Variants in MGA observed in about 807,000 individuals in gnomAD.
The protein encoded by MGA is MAX dimerization protein MGA.
A neutral mutation model predicts 261.1 loss-of-function variants in MGA; 40 were observed. That is an observed-to-expected ratio of 0.15 (90% confidence interval 0.12 to 0.20). MGA has a LOEUF of 0.20. Among genes scored for constraint, MGA ranks in the 10% least tolerant of loss-of-function variants. MGA has a pLI of 1.00. For synonymous variants in MGA, 1,302 were observed against 1,290.6 expected, an observed-to-expected ratio of 1.01 and a Z score of -0.19; for missense variants, 3,397 against 3,630.5, an observed-to-expected ratio of 0.94 and a Z score of 1.65.
At chr15:41,648,089 T>A (rs1224198792) in intron 1 of MGA, among the ~76,000 whole-genome samples, 2 of 152,250 alleles carry the variant, frequency 1.3e-5, no homozygotes, top group Non-Finnish European at 2.9e-5. Context: ...ATTATTTGCC[T>A]CTTAATTATT....
chr15:41,693,146 G>A (rs554604671), intron 2 of MGA, among the ~76,000 whole-genome samples: 3 of 152,186 alleles, frequency 2.0e-5, no homozygotes, highest in African/African-American at 7.2e-5. Context: ...GGCTTCTATT[G>A]GAGGATTTTC....
In MGA at chr15:41,750,311, G is replaced by T; in HGVS notation, c.6704G>T (p.Arg2235Ile). The change falls in exon 17 of 24, where the codon AGA (arginine) becomes ATA (isoleucine). Residue 2235 changes from arginine (R) to isoleucine (I), a missense_variant. By Grantham distance (97) the Arg-to-Ile change is moderately conservative. This residue lies in a region of MGA where 1,410 missense variants were observed against 1,386.4 expected (regional missense o/e 1.02). Coordinates refer to ENST00000219905, the MANE Select transcript of MGA (RefSeq NM_001164273.2). Reference sequence around the variant, plus strand: ...AAAAGTGGAATTACTGAAGATGCCAGAGTTTTGAAAACTGAATGTGATTCT... The same window carrying T: ...AAAAGTGGAATTACTGAAGATGCCATAGTTTTGAAAACTGAATGTGATTCT... The T allele has an allele frequency of 6.2e-7, 1 of 1,614,046 alleles. No homozygotes were observed. The highest frequency in any genetic ancestry group is 8.5e-7 in the Non-Finnish European group (1 of 1,179,892).
intron 8 of MGA, among the ~76,000 whole-genome samples, chr15:41,712,015 G>T (rs549939770): frequency 2.8e-4 from 43 of 152,032 alleles, no homozygotes; most frequent in African/African-American, 4.8e-4. Context: ...GCTTTTAAAA[G>T]ATACTAAATC....
intron 18 of MGA, among the ~76,000 whole-genome samples, chr15:41,756,792 C>A (rs1292856766): frequency 1.3e-5 from 2 of 152,088 alleles, no homozygotes; most frequent in Admixed American, 6.6e-5. Context: ...CGGAGTCTTG[C>A]TATGTTGGCC....
chr15:41,709,786 C>CTT (rs59998889), intron 7 of MGA, among the ~76,000 whole-genome samples: 13 of 135,308 alleles, frequency 9.6e-5, no homozygotes, highest in African/African-American at 3.0e-4. Context: ...GCTTTAATTT[C>CTT]TTTTTTTTTT....
chr15:41,688,834 C>T (rs144024654), intron 2 of MGA, among the ~76,000 whole-genome samples: 3 of 152,222 alleles, frequency 2.0e-5, no homozygotes, highest in African/African-American at 7.2e-5. Flanking sequence ...GTTCTGGAGG[C>T]TAGAAAGTCC....
intron 11 of MGA, among the ~76,000 whole-genome samples, chr15:41,730,677 T>C (rs2061461242): frequency 1.3e-5 from 2 of 152,184 alleles, no homozygotes; most frequent in South Asian, 2.1e-4. Context: ...TAAAGACATA[T>C]GTGCACACAA....
chr15:41,740,800 GTTGA>G (rs1567061431), intron 14 of MGA, among the ~76,000 whole-genome samples: 1 of 152,124 alleles, frequency 6.6e-6, no homozygotes, highest in African/African-American at 2.4e-5. Context: ...TTTTGAAAGT[GTTGA>G]TTTATTCCAT....
chr15:41,674,456 C>T (rs1462034323), intron 2 of MGA, among the ~76,000 whole-genome samples: 1 of 152,106 alleles, frequency 6.6e-6, no homozygotes, highest in African/African-American at 2.4e-5. Flanking sequence ...CCTCAGCCTC[C>T]CAAAGTGTTA....
Position 41,766,066 on chromosome 15 carries a change from G to A in MGA, c.7984G>A (p.Gly2662Ser). The A allele has an allele frequency of 6.2e-7, 1 of 1,613,694 alleles. No individual in the cohort carries two copies. The highest frequency in any genetic ancestry group is 8.5e-7 in the Non-Finnish European group (1 of 1,179,764). Residue 2662 changes from glycine to serine, a missense_variant, in exon 24 of 24, where the codon GGT becomes AGT. Physicochemically the swap from Gly to Ser is moderately conservative, Grantham distance 56. Transcript: ENST00000219905. ...TGTGACATCATTGGCCACAGAGGGA[G>A]GTTTGGTAGATATGGGTGGCAGCAA... is the stretch of plus-strand genomic sequence containing the variant.
chr15:41,634,109 C>T (rs1249440777), intron 1 of MGA, among the ~76,000 whole-genome samples: 3 of 152,080 alleles, frequency 2.0e-5, no homozygotes, highest in Non-Finnish European at 4.4e-5. Flanking sequence ...ATCTCTCTTC[C>T]CTGCTTTATT....
intron 1 of MGA, among the ~76,000 whole-genome samples, chr15:41,653,262 G>T (rs188194260): frequency 6.6e-6 from 1 of 151,622 alleles, no homozygotes; most frequent in African/African-American, 2.4e-5. Flanking sequence ...TCAGCTACTG[G>T]AGAGGCTGAG....
chr15:41,739,994 C>T (rs1356083899), intron 13 of MGA: 3 of 1,613,706 alleles, frequency 1.9e-6, no homozygotes, highest in Admixed American at 1.7e-5. Flanking sequence ...GCTTATATCA[C>T]AGGCAGGTTG....
chr15:41,689,514 T>C lies in MGA; in HGVS notation c.1065-6561T>C, dbSNP rs368878827. Among the ~76,000 whole-genome samples the C allele has an allele frequency of 2.6e-5, 4 of 151,748 alleles. No individual in the cohort carries two copies. In the East Asian group the frequency reaches 7.7e-4, roughly 29 times the overall value. On this transcript the variant is annotated intron_variant, in intron 2 of 23. Transcript: ENST00000219905. ...TTATATTTACGTATTTATTTATTTG[T>C]TTTCATCTGTTTCTGGATCTGTGTT...
chr15:41,746,847 TTAAA>T (rs2062521641), intron 15 of MGA, among the ~76,000 whole-genome samples: 1 of 152,074 alleles, frequency 6.6e-6, no homozygotes, highest in African/African-American at 2.4e-5. Context: ...TTTATTAATG[TTAAA>T]TAAGCCTACC....
chr15:41,648,979 G>A (rs1481701095), intron 1 of MGA, among the ~76,000 whole-genome samples: 1 of 152,152 alleles, frequency 6.6e-6, no homozygotes, highest in Non-Finnish European at 1.5e-5. Context: ...GTTTGGACTA[G>A]GGTGATGCAT....
In MGA at chr15:41,684,654, G is replaced by A. The variant is rs148274022; in HGVS notation, c.1065-11421G>A. On this transcript the variant is annotated intron_variant, in intron 2 of 23. Transcript: ENST00000219905. ...GCTACTGCGAACAAATGCATGTTGT[G>A]TGCTAAATGAAAAGAAGATAAAAAA... is the stretch of plus-strand genomic sequence containing the variant. 1,618 of 184,126 alleles carry A rather than the reference G, an allele frequency of 8.8e-3. 23 individuals are homozygous for A. The highest frequency in any genetic ancestry group is 0.036 in the South Asian group (341 of 9,470). 11.4% of individuals were successfully genotyped at this position (184,126 alleles called of 1,614,324 possible).
intron 1 of MGA, among the ~76,000 whole-genome samples, chr15:41,625,693 G>C (rs932653550): frequency 6.6e-6 from 1 of 152,032 alleles, no homozygotes; most frequent in Non-Finnish European, 1.5e-5. Context: ...CAGCCTGGGC[G>C]ACAGAGTGTG....
chr15:41,621,505 G>A (rs951213075), intron 1 of MGA: 5 of 152,262 alleles, frequency 3.3e-5, no homozygotes, highest in African/African-American at 1.2e-4. Flanking sequence ...GGCAGCCAAT[G>A]ACTAGCCGGG....
Sources: allele counts gnomAD v4.1 joint callset (sites outside exome capture counted in the v4.1 genomes callset), GRCh38; gene constraint gnomAD v4.1.1; regional missense constraint gnomAD v4.1.1; transcripts MANE v1.5; gene names NCBI Gene and HGNC (gene_info 2026-07-23, HGNC 2026-07-21).